CEP164: variants seen among roughly 807,000 people sequenced by gnomAD.
The protein encoded by CEP164 is centrosomal protein 164, also known as centrosomal protein of 164 kDa.
Under a neutral mutation model 182.7 loss-of-function variants are expected in CEP164, and 162 were observed. The observed-to-expected ratio is 0.89, with a 90% CI of 0.78 to 1.01. The LOEUF (loss-of-function observed/expected upper bound fraction) is 1.01. CEP164 is among the 50% of genes least tolerant of loss of function. The probability of loss-of-function intolerance (pLI) is 0.00; values close to 1 mark genes in which losing one functional copy is unlikely to be tolerated. For missense variants in CEP164, 1,735 were observed against 1,790.4 expected (o/e 0.97, Z 0.56); for synonymous variants, 661 against 690.0 (o/e 0.96, Z 0.66).
chr11:117,373,269 A>G (rs1220569076), intron 9 of CEP164, among the ~76,000 whole-genome samples: 4 of 151,798 alleles, frequency 2.6e-5, no homozygotes, highest in African/African-American at 9.7e-5. Context: ...CGGGAGGCTG[A>G]GGCAGGAGAA....
rs939866713 is a variant in CEP164 at position 117,387,210 on chromosome 11, A to G, written c.1732A>G (p.Thr578Ala). The G allele has an allele frequency of 6.2e-7, 1 of 1,614,132 alleles. No individual in the cohort carries two copies. Among genetic ancestry groups the G allele is most frequent in the Admixed American group, 1.7e-5 (1 of 60,030 alleles). Reference protein sequence around the residue: ...TPPVSPEVRSTEPVAPPEQLS... With the variant: ...TPPVSPEVRSAEPVAPPEQLS... ...ATTCCCCACCCATGGTAGGCGATCC[A>G]CAGAGCCTGTGGCTCCCCCAGAGCA... The change falls in exon 15 of 33, where the codon ACA becomes GCA. Residue 578 changes from threonine to alanine, a missense_variant. Transcript: ENST00000278935.
At position 117,395,198 on chromosome 11, in the gene CEP164, C is replaced by G. The variant is rs1009767140; in HGVS notation, c.2913+7C>G. ...GGTTGCTCTGAAGAGTGAGGTTTGT[C>G]TCCCTGTTTTGTCCTCCCTCCTGTT... On this transcript the variant is annotated splice_region_variant and intron_variant, in intron 23 of 32. Coordinates refer to ENST00000278935, the MANE Select transcript of CEP164 (RefSeq NM_014956.5). The G allele has an allele frequency of 6.2e-7, 1 of 1,613,148 alleles. No individual in the cohort carries two copies. The highest frequency in any genetic ancestry group is 1.7e-5 in the Admixed American group (1 of 60,020).
chr11:117,386,989 G>A (rs1271849500), intron 14 of CEP164: 2 of 568,126 alleles, frequency 3.5e-6, no homozygotes, highest in Non-Finnish European at 6.3e-6. Flanking sequence ...CTTCTCCCTA[G>A]GCTCTTGGGG....
chr11:117,351,788 A>T lies in CEP164; in HGVS notation c.195-2A>T, dbSNP rs1239625913. 6.2e-7 allele frequency: 1 copy of T among 1,611,870 alleles called. No homozygotes were observed. The highest frequency in any genetic ancestry group is 8.5e-7 in the Non-Finnish European group (1 of 1,179,610). ...TAACTTCTGAACTCTGCCCATCCCC[A>T]GCCAGGACATCACAGGTGACATTTA... On this transcript the variant is annotated splice_acceptor_variant, in intron 4 of 32. Transcript: ENST00000278935. LOFTEE classifies it high-confidence loss of function.
At chr11:117,364,218 A>C (rs754067606) in intron 8 of CEP164, among the ~76,000 whole-genome samples, 27 of 152,228 alleles carry the variant, frequency 1.8e-4, no homozygotes, top group Non-Finnish European at 3.5e-4. Flanking sequence ...TTCCCCAAAT[A>C]TTTAAATATT....
rs548704581 is a variant in CEP164, at chr11:117,368,046, A to G, written c.766-3034A>G. 9.0e-4 allele frequency among the ~76,000 whole-genome samples: 137 copies of G among 152,340 alleles called. 1 individual carries two copies. Among genetic ancestry groups the G allele is most frequent in the Admixed American group, 8.8e-3 (134 of 15,294 alleles). On this transcript the variant is annotated intron_variant, in intron 8 of 32. Transcript: ENST00000278935. ...TTTATGACACACTTATTCATATTTA[A>G]CAGTTTGGTCAACAAACCTTTACTA...
In CEP164 at chr11:117,351,794, G is replaced by A. The variant is rs1389182998; in HGVS notation, c.199G>A (p.Asp67Asn). ...PLPGEWKPCQ[D>N]ITGDIYYFNF... ...CTGAACTCTGCCCATCCCCAGCCAG[G>A]ACATCACAGGTGACATTTACTATTT... The change falls in exon 5 of 33, where the codon GAC (aspartate) becomes AAC (asparagine). Residue 67 changes from aspartate to asparagine, a missense_variant. Physicochemically the swap from Asp to Asn is conservative, Grantham distance 23. Coordinates refer to ENST00000278935, the MANE Select transcript of CEP164 (RefSeq NM_014956.5). 2 of 1,613,224 alleles carry A rather than the reference G, an allele frequency of 1.2e-6. No individual in the cohort carries two copies. The highest frequency in any genetic ancestry group is 1.7e-6 in the Non-Finnish European group (2 of 1,179,848).
At chr11:117,349,844 G>C (rs960210285) in intron 4 of CEP164, among the ~76,000 whole-genome samples, 1 of 151,998 alleles carries the variant, frequency 6.6e-6, no homozygotes, top group Non-Finnish European at 1.5e-5. Flanking sequence ...ACACAATCTC[G>C]GCTCACTGCA....
intron 27 of CEP164, among the ~76,000 whole-genome samples, chr11:117,406,831 C>T (rs2046738701): frequency 6.6e-6 from 1 of 152,206 alleles, no homozygotes; most frequent in Non-Finnish European, 1.5e-5. Flanking sequence ...CGCAGTGGTT[C>T]ATGCCTGTAA....
rs201603465 is a variant in CEP164, at chr11:117,361,229, C to T, written c.394-606C>T. On this transcript the variant is annotated intron_variant, in intron 5 of 32. Transcript: ENST00000278935. ...GAATTACAGGCGTGAGCCACTGCGCCTGGCTTTTTTTTTTTTTTTTTTTTT... is the reference window on the plus strand; with the variant it reads ...GAATTACAGGCGTGAGCCACTGCGCTTGGCTTTTTTTTTTTTTTTTTTTTT... 2.1e-4 allele frequency among the ~76,000 whole-genome samples: 29 copies of T among 141,178 alleles called. No homozygotes were observed. The East Asian group carries it at 5.7e-3, about 28-fold the overall frequency. 92.6% of individuals were successfully genotyped at this position (141,178 alleles called of 152,430 possible). A position where few individuals can be genotyped will look rare whatever the true frequency, so the allele number is the denominator to read the frequency against.
intron 19 of CEP164, 138 bp from the exon 20 acceptor site, chr11:117,392,866 T>G: frequency 7.3e-7 from 1 of 1,368,506 alleles, no homozygotes; most frequent in East Asian, 2.3e-5. Flanking sequence ...GACCATGGTG[T>G]CATGGCTGTG....
intron 8 of CEP164, among the ~76,000 whole-genome samples, chr11:117,369,621 GTC>G (rs2041999286): frequency 6.6e-6 from 1 of 152,312 alleles, no homozygotes; most frequent in Non-Finnish European, 1.5e-5. Context: ...AGTCATCATG[GTC>G]CTTGAGTCTT....
intron 13 of CEP164, among the ~76,000 whole-genome samples, chr11:117,382,515 G>A (rs558077686): frequency 6.6e-6 from 1 of 152,290 alleles, no homozygotes; most frequent in East Asian, 1.9e-4. Flanking sequence ...GAGCAGCATC[G>A]ATGTGCAATC....
intron 10 of CEP164, among the ~76,000 whole-genome samples, chr11:117,375,361 G>A (rs780276443): frequency 6.6e-6 from 1 of 152,152 alleles, no homozygotes; most frequent in Non-Finnish European, 1.5e-5. Context: ...TTCCTTATCT[G>A]TGGGATGAGG....
At chr11:117,351,679 ACT>A in intron 4 of CEP164, 109 bp from the exon 5 acceptor site, 2 of 923,862 alleles carry the variant, frequency 2.2e-6, no homozygotes, top group South Asian at 1.7e-5. Flanking sequence ...TTTCCACCCC[ACT>A]CTCTTCCTCC....
intron 15 of CEP164, among the ~76,000 whole-genome samples, chr11:117,389,358 C>T (rs980464795): frequency 4.6e-5 from 7 of 152,188 alleles, no homozygotes; most frequent in Admixed American, 1.3e-4. Context: ...GATAACCTTT[C>T]ATAGATATCA....
intron 11 of CEP164, 96 bp downstream of exon 11, chr11:117,375,887 C>T: frequency 9.3e-7 from 1 of 1,071,464 alleles, no homozygotes; most frequent in Non-Finnish European, 1.4e-6. Context: ...TCACAGGGTG[C>T]ATTTCTGTAA....
At chr11:117,399,324 T>C (rs2045884118) in intron 27 of CEP164, among the ~76,000 whole-genome samples, 1 of 152,250 alleles carries the variant, frequency 6.6e-6, no homozygotes. Context: ...CATCCTTTTT[T>C]ATGGCTGCAT....
intron 13 of CEP164, among the ~76,000 whole-genome samples, chr11:117,382,540 A>G (rs1411188653): frequency 1.3e-5 from 2 of 152,152 alleles, no homozygotes; most frequent in Admixed American, 6.5e-5. Flanking sequence ...GCATCCACTG[A>G]ACACCTGCTG....
Sources: gnomAD v4.1 joint callset for allele counts (sites outside exome capture counted in the v4.1 genomes callset) on GRCh38, gnomAD v4.1.1 for gene constraint, MANE v1.5 for transcripts, NCBI Gene and HGNC (gene_info 2026-07-23, HGNC 2026-07-21) for gene names.